The following ZBTB20 variants were observed in gnomAD, a reference collection of about 807,000 sequenced individuals.
The protein encoded by ZBTB20 is zinc finger and BTB domain-containing protein 20.
Under a neutral mutation model 56.9 loss-of-function variants are expected in ZBTB20, and 9 were observed. That is an observed-to-expected ratio of 0.16 (90% confidence interval 0.10 to 0.28). The LOEUF (loss-of-function observed/expected upper bound fraction) is 0.28. Among genes scored for constraint, ZBTB20 ranks in the 10% least tolerant of loss-of-function variants. The pLI, the probability that ZBTB20 is intolerant of heterozygous loss-of-function variation, is 1.00. For missense variants in ZBTB20, 655 were observed against 1,003.0 expected (o/e 0.65, Z 4.69); for synonymous variants, 417 against 420.7 (o/e 0.99, Z 0.11).
intron 1 of ZBTB20, among the ~76,000 whole-genome samples, chr3:115,099,149 C>T (rs886584643): frequency 2.0e-5 from 3 of 151,776 alleles, no homozygotes; most frequent in Non-Finnish European, 2.9e-5. Context: ...TAACTTTTCC[C>T]ACTATAAAAA....
intron 6 of ZBTB20, among the ~76,000 whole-genome samples, chr3:114,594,348 C>A (rs2107585389): frequency 6.7e-6 from 1 of 150,082 alleles, no homozygotes; most frequent in East Asian, 2.0e-4. Flanking sequence ...CTCACTGCAA[C>A]CTCCGCCGCC....
At chr3:114,599,536 C>T (rs1029581921) in intron 6 of ZBTB20, among the ~76,000 whole-genome samples, 3 of 151,870 alleles carry the variant, frequency 2.0e-5, no homozygotes, top group African/African-American at 4.8e-5. Context: ...ATCTTATTTG[C>T]CTTTTGGCAA....
intron 7 of ZBTB20, among the ~76,000 whole-genome samples, chr3:114,401,997 G>A (rs1484516655): frequency 6.6e-6 from 1 of 152,190 alleles, no homozygotes; most frequent in African/African-American, 2.4e-5. Flanking sequence ...TCAGAGTGAA[G>A]TAGCTGTACA....
chr3:114,496,064 C>A (rs2043251658), intron 7 of ZBTB20, among the ~76,000 whole-genome samples: 1 of 151,924 alleles, frequency 6.6e-6, no homozygotes, highest in African/African-American at 2.4e-5. Flanking sequence ...GATCTTATAA[C>A]CATCACAAAA....
rs574173881 is a variant in ZBTB20, at chr3:114,501,498, C to T, written c.-294-1107G>A. ...AAAATTAGCCAGGCATGGTGGCGGGCGCCTGTAATCCCAGCTACTTGGGAG... is the reference window on the plus strand; with the variant it reads ...AAAATTAGCCAGGCATGGTGGCGGGTGCCTGTAATCCCAGCTACTTGGGAG... On this transcript the variant is annotated intron_variant, in intron 6 of 11. Transcript: ENST00000675478. 5.1e-4 allele frequency among the ~76,000 whole-genome samples: 77 copies of T among 151,114 alleles called. No homozygotes were observed. The East Asian group carries it at 0.012, about 24-fold the overall frequency.
intron 6 of ZBTB20, among the ~76,000 whole-genome samples, chr3:114,511,674 G>A (rs2045407545): frequency 6.6e-6 from 1 of 151,956 alleles, no homozygotes; most frequent in Admixed American, 6.6e-5. Context: ...TTAAATTTTT[G>A]TTTAGTGTCT....
At chr3:114,430,828 A>C (rs1259611564) in intron 7 of ZBTB20, among the ~76,000 whole-genome samples, 1 of 152,198 alleles carries the variant, frequency 6.6e-6, no homozygotes, top group Non-Finnish European at 1.5e-5. Context: ...TTTATCCTTA[A>C]AAATATTTAA....
intron 7 of ZBTB20, among the ~76,000 whole-genome samples, chr3:114,411,947 A>T (rs1438730051): frequency 6.6e-6 from 1 of 152,164 alleles, no homozygotes; most frequent in Non-Finnish European, 1.5e-5. Flanking sequence ...GAAGTTGTAG[A>T]ACATTGTGTT....
chr3:114,345,828 T>C (rs923821328), intron 11 of ZBTB20, among the ~76,000 whole-genome samples: 1 of 152,216 alleles, frequency 6.6e-6, no homozygotes, highest in Admixed American at 6.5e-5. Flanking sequence ...CCAAGGCTTA[T>C]CCTTCTTGTA....
intron 7 of ZBTB20, among the ~76,000 whole-genome samples, chr3:114,490,540 C>A (rs1026276342): frequency 1.3e-5 from 2 of 151,978 alleles, no homozygotes; most frequent in Admixed American, 1.3e-4. Context: ...CCTCTTCTTT[C>A]CATCCCTCCC....
chr3:114,790,365 T>C (rs2070857380), intron 5 of ZBTB20, among the ~76,000 whole-genome samples: 1 of 152,160 alleles, frequency 6.6e-6, no homozygotes, highest in African/African-American at 2.4e-5. Flanking sequence ...GTGAAGAATA[T>C]GGTATGAATT....
At chr3:114,813,558 C>G (rs998793345) in intron 4 of ZBTB20, among the ~76,000 whole-genome samples, 2 of 152,158 alleles carry the variant, frequency 1.3e-5, no homozygotes, top group Admixed American at 1.3e-4. Context: ...TGAGACCAGC[C>G]TGGGCAACAC....
At chr3:114,350,174 A>G (rs534647380) in intron 11 of ZBTB20, 100 bp downstream of exon 11, 28 of 1,488,670 alleles carry the variant, frequency 1.9e-5, no homozygotes, top group African/African-American at 1.4e-4. Flanking sequence ...TAAAATCTGA[A>G]AGATGATCCC....
intron 7 of ZBTB20, among the ~76,000 whole-genome samples, chr3:114,471,793 T>A (rs1437729842): frequency 1.3e-5 from 2 of 152,160 alleles, no homozygotes; most frequent in Non-Finnish European, 2.9e-5. Flanking sequence ...GGAAAGAAAC[T>A]CAGTTGTCTA....
In ZBTB20 at chr3:114,337,715, A is replaced by G. The variant is rs1020251677; in HGVS notation, c.*1290T>C. On this transcript the variant is annotated 3_prime_UTR_variant, in exon 12 of 12. Transcript: ENST00000675478. ...AAAAATTAAAAAAAATATGAAGAAA[A>G]TATCCTTCCTCTCTTTCAAATATAA... The G allele has an allele frequency of 1.3e-5, 2 of 152,110 alleles. No individual in the cohort carries two copies. Among genetic ancestry groups the G allele is most frequent in the African/African-American group, 2.4e-5 (1 of 41,434 alleles). 9.4% of individuals were successfully genotyped at this position (152,110 alleles called of 1,614,324 possible).
At chr3:115,090,975 G>A (rs750355421) in intron 1 of ZBTB20, among the ~76,000 whole-genome samples, 1 of 151,842 alleles carries the variant, frequency 6.6e-6, no homozygotes, top group Non-Finnish European at 1.5e-5. Flanking sequence ...AATAGCATGA[G>A]AGTCTCTGAA....
chr3:114,624,959 T>G (rs2058568260), intron 6 of ZBTB20: 1 of 152,646 alleles, frequency 6.6e-6, no homozygotes. Flanking sequence ...ATGAGTTCAG[T>G]GATCTCATTC....
intron 4 of ZBTB20, among the ~76,000 whole-genome samples, chr3:114,818,303 G>T (rs1051313915): frequency 1.3e-5 from 2 of 151,770 alleles, no homozygotes; most frequent in Admixed American, 6.6e-5. Context: ...ATACCATTAG[G>T]TTATTAAAAA....
At chr3:114,705,121 C>T (rs1174814449) in intron 5 of ZBTB20, among the ~76,000 whole-genome samples, 7 of 152,160 alleles carry the variant, frequency 4.6e-5, no homozygotes, top group Non-Finnish European at 1.0e-4. Flanking sequence ...TCCCATAATA[C>T]TCAAGACCCA....
Sources: gnomAD v4.1 joint callset for allele counts (sites outside exome capture counted in the v4.1 genomes callset) on GRCh38, gnomAD v4.1.1 for gene constraint, MANE v1.5 for transcripts, NCBI Gene and HGNC (gene_info 2026-07-23, HGNC 2026-07-21) for gene names.